The following COG5 variants were observed in gnomAD, a reference collection of about 807,000 sequenced individuals.
The protein encoded by COG5 is conserved oligomeric Golgi complex subunit 5.
In COG5, 86 loss-of-function variants were observed where a neutral mutation model predicts 110.4. That is an observed-to-expected ratio of 0.78 (90% CI 0.65 to 0.93). The LOEUF (loss-of-function observed/expected upper bound fraction) is 0.93, where lower values mean the gene tolerates loss of function less well. Ranked by LOEUF, COG5 falls within the 40% of genes least tolerant of loss-of-function variation. The probability of loss-of-function intolerance (pLI) is 0.00; values close to 1 mark genes in which losing one functional copy is unlikely to be tolerated. For missense variants in COG5, 1,077 were observed against 987.0 expected (o/e 1.09, Z -1.22); for synonymous variants, 360 against 334.6 (o/e 1.08, Z -0.83).
chr7:107,330,453 T>C (rs1336345357), intron 10 of COG5, among the ~76,000 whole-genome samples: 1 of 152,218 alleles, frequency 6.6e-6, no homozygotes, highest in African/African-American at 2.4e-5. Flanking sequence ...ATTAAATGTA[T>C]ACAGAGAAAC....
Position 107,474,570 on chromosome 7 carries a change from C to G in COG5, c.538+52667G>C. 5.0e-6 allele frequency: 8 copies of G among 1,610,178 alleles called. No individual in the cohort carries two copies. Among genetic ancestry groups the G allele is most frequent in the Non-Finnish European group, 5.9e-6 (7 of 1,178,324 alleles). ...TATCCATTTGGATTTTTTCTTTTTT[C>G]TCTTTCCTGATTCCTTTTATTGAGG... On this transcript the variant is annotated intron_variant, in intron 6 of 21. Transcript: ENST00000297135. The surrounding 1 kb of genome is among the most constrained non-coding windows in gnomAD (Gnocchi z 5.7).
intron 12 of COG5, among the ~76,000 whole-genome samples, chr7:107,295,090 TATATATATA>T (rs1386076179): frequency 2.4e-4 from 18 of 75,696 alleles, no homozygotes; most frequent in African/African-American, 7.0e-4. Context: ...TATATATATA[TATATATATA>T]TATTTTTTTT....
At chr7:107,455,420 A>G (rs1795601828) in intron 6 of COG5, among the ~76,000 whole-genome samples, 1 of 152,248 alleles carries the variant, frequency 6.6e-6, no homozygotes, top group Admixed American at 6.5e-5. Flanking sequence ...TTTTTGCAAT[A>G]AAGTAAAAAG....
chr7:107,432,498 T>C (rs1794092276), intron 6 of COG5, among the ~76,000 whole-genome samples: 1 of 152,074 alleles, frequency 6.6e-6, no homozygotes, highest in South Asian at 2.1e-4. Context: ...AATAAGAACA[T>C]GACATAAGTA....
intron 12 of COG5, among the ~76,000 whole-genome samples, chr7:107,288,917 T>A (rs1364591455): frequency 1.9e-4 from 2 of 10,440 alleles, no homozygotes; most frequent in African/African-American, 1.1e-3. Context: ...GATATATATA[T>A]ATATATATAT....
intron 5 of COG5, among the ~76,000 whole-genome samples, chr7:107,532,684 C>T (rs1015649843): frequency 6.6e-6 from 1 of 152,104 alleles, no homozygotes; most frequent in African/African-American, 2.4e-5. Flanking sequence ...ATTTCTTCCA[C>T]ATTAAGATTC....
At chr7:107,214,742 C>G (rs1160210919) in intron 19 of COG5, among the ~76,000 whole-genome samples, 2 of 151,876 alleles carry the variant, frequency 1.3e-5, no homozygotes, top group Non-Finnish European at 2.9e-5. Flanking sequence ...GTCAACATGG[C>G]AAAACCCTGT....
intron 8 of COG5, among the ~76,000 whole-genome samples, chr7:107,365,484 T>A (rs1193159517): frequency 6.6e-6 from 1 of 150,952 alleles, no homozygotes; most frequent in African/African-American, 2.4e-5. Context: ...AAGAAGTAAA[T>A]TGCTCTTAAA....
chr7:107,390,775 C>G (rs193114919), intron 7 of COG5, among the ~76,000 whole-genome samples: 1 of 148,828 alleles, frequency 6.7e-6, no homozygotes, highest in Non-Finnish European at 1.5e-5. Context: ...ATAAGAGCAA[C>G]GATCGCCACA....
At chr7:107,221,764 CAAAA>C (rs1165656626) in intron 19 of COG5, among the ~76,000 whole-genome samples, 5 of 61,926 alleles carry the variant, frequency 8.1e-5, no homozygotes, top group Admixed American at 5.6e-4. Flanking sequence ...GACTCCGTCT[CAAAA>C]AAAAAAAAAA....
At chr7:107,454,888 T>C (rs1030451550) in intron 6 of COG5, among the ~76,000 whole-genome samples, 3 of 152,216 alleles carry the variant, frequency 2.0e-5, no homozygotes, top group Non-Finnish European at 4.4e-5. Flanking sequence ...GAGTATTTCC[T>C]TCCCCATCGC....
At chr7:107,481,093 C>G (rs1797312696) in intron 6 of COG5, among the ~76,000 whole-genome samples, 1 of 152,168 alleles carries the variant, frequency 6.6e-6, no homozygotes. Context: ...TATCAACTCC[C>G]TGCCACTATC....
At chr7:107,508,894 T>C (rs1283659458) in intron 6 of COG5, among the ~76,000 whole-genome samples, 1 of 152,086 alleles carries the variant, frequency 6.6e-6, no homozygotes, top group African/African-American at 2.4e-5. Context: ...AAAACCCTTC[T>C]GTACATCACC....
chr7:107,539,074 T>C (rs796689835), intron 5 of COG5, among the ~76,000 whole-genome samples: 13 of 152,086 alleles, frequency 8.5e-5, no homozygotes, highest in African/African-American at 3.1e-4. Flanking sequence ...GTCCAGAAGT[T>C]TGAGACAAGC....
At chr7:107,234,042 T>C (rs938280427) in intron 18 of COG5, among the ~76,000 whole-genome samples, 3 of 152,336 alleles carry the variant, frequency 2.0e-5, no homozygotes, top group Non-Finnish European at 2.9e-5. Context: ...TTAATTATGA[T>C]AGTGCCTCCG....
intron 10 of COG5, among the ~76,000 whole-genome samples, chr7:107,354,412 C>T (rs1285901228): frequency 6.6e-6 from 1 of 152,180 alleles, no homozygotes; most frequent in East Asian, 1.9e-4. Flanking sequence ...GGTGTGGTGG[C>T]TCATGCCTAT....
intron 11 of COG5, among the ~76,000 whole-genome samples, chr7:107,312,668 T>C (rs549363322): frequency 1.1e-4 from 17 of 152,092 alleles, no homozygotes; most frequent in African/African-American, 3.9e-4. Flanking sequence ...GATAAAGACA[T>C]AGAAAGAAAA....
chr7:107,215,884 T>A (rs1334579950), intron 19 of COG5, among the ~76,000 whole-genome samples: 1 of 152,026 alleles, frequency 6.6e-6, no homozygotes, highest in Middle Eastern at 3.4e-3. Context: ...TAATTTTTTA[T>A]ATTTTTAGTA....
Position 107,474,770 on chromosome 7 carries a change from C to G in COG5, c.538+52467G>C. Reference sequence around the variant, plus strand: ...ATCACATACACCAAAATACTTCAGGCTCTTAATATTCGAATAGGCACAAGA... The same window carrying G: ...ATCACATACACCAAAATACTTCAGGGTCTTAATATTCGAATAGGCACAAGA... On this transcript the variant is annotated intron_variant, in intron 6 of 21. Transcript: ENST00000297135. The surrounding 1 kb of genome is among the most constrained non-coding windows in gnomAD (Gnocchi z 5.7). 1 of 1,610,744 alleles carries G rather than the reference C, an allele frequency of 6.2e-7. No individual in the cohort carries two copies.
Sources: allele counts gnomAD v4.1 joint callset (sites outside exome capture counted in the v4.1 genomes callset), GRCh38; gene constraint gnomAD v4.1.1; non-coding constraint Gnocchi (gnomAD v3.1); transcripts MANE v1.5; gene names NCBI Gene and HGNC (gene_info 2026-07-23, HGNC 2026-07-21).